GALNT17: variants seen among roughly 807,000 people sequenced by gnomAD.
GALNT17 encodes UDP-GalNAc:polypeptide N-acetylgalactosaminyltransferase-like 3.
Under a neutral mutation model 63.7 loss-of-function variants are expected in GALNT17, and 29 were observed. The ratio of observed to expected loss-of-function variants is 0.46; its 90% CI spans 0.34 to 0.62. GALNT17 has a LOEUF of 0.62. GALNT17 is among the 20% of genes least tolerant of loss of function. The probability of loss-of-function intolerance (pLI) is 0.01; values close to 1 mark genes in which losing one functional copy is unlikely to be tolerated. For synonymous variants in GALNT17, 305 were observed against 318.3 expected, an observed-to-expected ratio of 0.96 and a Z score of 0.45; for missense variants, 603 against 799.6, an observed-to-expected ratio of 0.75 and a Z score of 2.97.
chr7:71,194,491 G>T (rs1328541787), intron 1 of GALNT17, among the ~76,000 whole-genome samples: 3 of 152,144 alleles, frequency 2.0e-5, no homozygotes, highest in African/African-American at 7.2e-5. Flanking sequence ...CTGGAGGAGG[G>T]AGAAGGAATA....
intron 6 of GALNT17, among the ~76,000 whole-genome samples, chr7:71,594,234 G>T (rs1789854968): frequency 6.6e-6 from 1 of 152,098 alleles, no homozygotes; most frequent in East Asian, 1.9e-4. Context: ...TTTGGGGTTT[G>T]CTCTATGTGA....
At chr7:71,685,408 AC>A (rs1212048040) in intron 9 of GALNT17, 2 of 150,470 alleles carry the variant, frequency 1.3e-5, no homozygotes, top group Non-Finnish European at 3.0e-5. Flanking sequence ...CCAAAGTCCA[AC>A]CCCCGACCTA....
chr7:71,530,515 G>C (rs1441844848), intron 5 of GALNT17, among the ~76,000 whole-genome samples: 1 of 151,864 alleles, frequency 6.6e-6, no homozygotes. Flanking sequence ...TTCTAAATCA[G>C]TGTCTTTTGG....
At chr7:71,625,663 G>T (rs1279360884) in intron 6 of GALNT17, among the ~76,000 whole-genome samples, 1 of 152,110 alleles carries the variant, frequency 6.6e-6, no homozygotes, top group Non-Finnish European at 1.5e-5. Context: ...ATTGCAAGCA[G>T]GTACTTCTCC....
intron 5 of GALNT17, among the ~76,000 whole-genome samples, chr7:71,505,571 G>A (rs1416168288): frequency 6.6e-6 from 1 of 152,044 alleles, no homozygotes; most frequent in African/African-American, 2.4e-5. Context: ...CTGCTCTCCA[G>A]CCTGGGTGAC....
chr7:71,651,898 A>C (rs912575462), intron 6 of GALNT17, among the ~76,000 whole-genome samples: 11 of 151,900 alleles, frequency 7.2e-5, no homozygotes, highest in African/African-American at 2.7e-4. Context: ...GTTTTCTTAT[A>C]GATGGTTGTC....
At chr7:71,696,006 T>G (rs1007597857) in intron 9 of GALNT17, among the ~76,000 whole-genome samples, 14 of 152,346 alleles carry the variant, frequency 9.2e-5, no homozygotes, top group Non-Finnish European at 1.2e-4. Flanking sequence ...AAACCATTCT[T>G]CTGGGCTTTA....
chr7:71,436,329 A>G (rs1786962846), intron 5 of GALNT17, among the ~76,000 whole-genome samples: 1 of 152,162 alleles, frequency 6.6e-6, no homozygotes, highest in Non-Finnish European at 1.5e-5. Context: ...CAACTGAGTG[A>G]AACCCTGTCT....
intron 5 of GALNT17, among the ~76,000 whole-genome samples, chr7:71,565,794 A>G (rs1365936089): frequency 2.6e-5 from 4 of 151,700 alleles, no homozygotes; most frequent in African/African-American, 4.8e-5. Context: ...GACCCAGTCC[A>G]TAGTTCTGGA....
chr7:71,376,439 T>G (rs1272918069), intron 2 of GALNT17, among the ~76,000 whole-genome samples: 1 of 144,690 alleles, frequency 6.9e-6, no homozygotes, highest in African/African-American at 2.6e-5. Context: ...TTTTTTTTTT[T>G]TTTTTTTTTT....
intron 6 of GALNT17, among the ~76,000 whole-genome samples, chr7:71,647,847 G>T (rs1042800187): frequency 6.6e-6 from 1 of 152,196 alleles, no homozygotes; most frequent in East Asian, 1.9e-4. Flanking sequence ...CAGGTGTCTG[G>T]GGGGCCGTCT....
At chr7:71,263,019 A>G (rs1790413932) in intron 1 of GALNT17, among the ~76,000 whole-genome samples, 2 of 152,074 alleles carry the variant, frequency 1.3e-5, no homozygotes, top group South Asian at 4.1e-4. Flanking sequence ...TTGGACACAC[A>G]TGTGTGCACA....
chr7:71,302,066 G>C (rs547137700), intron 1 of GALNT17, among the ~76,000 whole-genome samples: 2 of 152,278 alleles, frequency 1.3e-5, no homozygotes, highest in East Asian at 3.9e-4. Context: ...ATGAAGCTGG[G>C]AGCCATTATC....
chr7:71,638,722 A>G (rs1790562918), intron 6 of GALNT17, among the ~76,000 whole-genome samples: 1 of 152,196 alleles, frequency 6.6e-6, no homozygotes, highest in African/African-American at 2.4e-5. Context: ...AGCACCTGCC[A>G]TCCAAAGAGT....
At chr7:71,552,444 CTTT>C (rs755171977) in intron 5 of GALNT17, among the ~76,000 whole-genome samples, 3 of 138,328 alleles carry the variant, frequency 2.2e-5, no homozygotes. Flanking sequence ...GGCTGTGACT[CTTT>C]TTTTTTTTTT....
chr7:71,162,070 T>TTCCG (rs1788352688), intron 1 of GALNT17, among the ~76,000 whole-genome samples: 1 of 118,490 alleles, frequency 8.4e-6, no homozygotes, highest in Non-Finnish European at 1.7e-5. Flanking sequence ...CCTTCCTTCC[T>TTCCG]TCCTTCCTTC....
At chr7:71,496,136 A>G (rs1257038866) in intron 5 of GALNT17, among the ~76,000 whole-genome samples, 3 of 152,132 alleles carry the variant, frequency 2.0e-5, no homozygotes, top group Non-Finnish European at 4.4e-5. Flanking sequence ...AACAGCCCCA[A>G]TGTACTATTA....
At chr7:71,494,952 A>G (rs989772678) in intron 5 of GALNT17, among the ~76,000 whole-genome samples, 4 of 152,142 alleles carry the variant, frequency 2.6e-5, no homozygotes, top group Non-Finnish European at 5.9e-5. Flanking sequence ...CCATGATTCA[A>G]TTGTCTCCAC....
intron 2 of GALNT17, among the ~76,000 whole-genome samples, chr7:71,380,685 AAG>A (rs2116316808): frequency 6.6e-6 from 1 of 152,174 alleles, no homozygotes; most frequent in South Asian, 2.1e-4. Context: ...GCGAAGATGC[AAG>A]AGAGAGAGTG....
Sources: allele counts gnomAD v4.1 joint callset (sites outside exome capture counted in the v4.1 genomes callset), GRCh38; gene constraint gnomAD v4.1.1; transcripts MANE v1.5; gene names NCBI Gene and HGNC (gene_info 2026-07-23, HGNC 2026-07-21).